PHF20L1: variants seen among roughly 807,000 people sequenced by gnomAD.
The protein encoded by PHF20L1 is PHD finger protein 20 like 1, also known as PHD finger protein 20-like protein 1.
In PHF20L1, 44 loss-of-function variants were observed where a neutral mutation model predicts 125.5. The observed-to-expected ratio is 0.35, with a 90% CI of 0.28 to 0.45. PHF20L1 has a LOEUF of 0.45. PHF20L1 is among the 20% of genes least tolerant of loss of function. The pLI is 1.00. For synonymous variants in PHF20L1, 380 were observed against 403.1 expected (o/e 0.94, Z 0.69); for missense variants, 1,012 against 1,217.2 (o/e 0.83, Z 2.51).
chr8:132,842,573 G>T lies in PHF20L1; in HGVS notation c.2446G>T (p.Asp816Tyr). The part of the protein sequence containing the change: ...WACSGKRKDQ[D>Y]QIIAGVEKKI... ...TTGTTCCGGGAAGCGAAAAGACCAA[G>T]ATCAAATAATAGCTGGGGTGGAGAA... is the stretch of plus-strand genomic sequence containing the variant. The change falls in exon 19 of 21, where the codon GAT (aspartate) becomes TAT (tyrosine). Residue 816 changes from aspartate to tyrosine, a missense_variant. Transcript: ENST00000395386. The T allele has an allele frequency of 6.2e-7, 1 of 1,612,326 alleles. No homozygotes were observed. Among genetic ancestry groups the T allele is most frequent in the Non-Finnish European group, 8.5e-7 (1 of 1,179,354 alleles).
Position 132,842,871 on chromosome 8 carries a change from A to C in PHF20L1, c.2744A>C (p.Glu915Ala), listed in dbSNP as rs762715279. 1 of 1,602,206 alleles carries C rather than the reference A, an allele frequency of 6.2e-7. No individual in the cohort carries two copies. Among genetic ancestry groups the C allele is most frequent in the Non-Finnish European group, 8.5e-7 (1 of 1,174,462 alleles). The change falls in exon 19 of 21, where the codon GAA (glutamate) becomes GCA (alanine). Residue 915 changes from glutamate (E) to alanine (A), a missense_variant. Glu to Ala is a moderately radical substitution (Grantham distance 107, BLOSUM62 -1). This residue lies in a region of PHF20L1 where 277 missense variants were observed against 283.6 expected (regional missense o/e 0.98). Coordinates refer to ENST00000395386, the MANE Select transcript of PHF20L1 (RefSeq NM_016018.5). ...TCAGCAAAAGAACATGGAATGCCTGAAAAGGTAAAACTAGTTCATTTTTCT... is the reference window on the plus strand; with the variant it reads ...TCAGCAAAAGAACATGGAATGCCTGCAAAGGTAAAACTAGTTCATTTTTCT... ...QYSAKEHGMP[E>A]KNPAEGNTVF...
rs757158099 is a variant in PHF20L1, at chr8:132,842,667, G to A, written c.2540G>A (p.Arg847His). 27 of 1,612,982 alleles carry A rather than the reference G, an allele frequency of 1.7e-5. No homozygotes were observed. The highest frequency in any genetic ancestry group is 4.0e-5 in the African/African-American group (3 of 74,798). The change falls in exon 19 of 21, where the codon CGT becomes CAT. Residue 847 changes from arginine (R) to histidine (H), a missense_variant. Physicochemically the swap from Arg to His is conservative, Grantham distance 29. Transcript: ENST00000395386. ...GTACAGAACCATAAAGAACCACCTCGTTTGCCCCTAAAAATGGAAGGAACT... is the reference window on the plus strand; with the variant it reads ...GTACAGAACCATAAAGAACCACCTCATTTGCCCCTAAAAATGGAAGGAACT... ...KYVQNHKEPP[R>H]LPLKMEGTYI...
intron 6 of PHF20L1, among the ~76,000 whole-genome samples, chr8:132,800,856 C>T (rs1304775258): frequency 6.6e-6 from 1 of 151,428 alleles, no homozygotes; most frequent in Non-Finnish European, 1.5e-5. Context: ...GTCCTTCTAA[C>T]ACTGTATTTG....
intron 2 of PHF20L1, among the ~76,000 whole-genome samples, chr8:132,780,138 TAA>T (rs1333714244): frequency 1.3e-5 from 2 of 152,154 alleles, no homozygotes; most frequent in Non-Finnish European, 2.9e-5. Context: ...TTTACAAAAA[TAA>T]TTTTCTTATG....
chr8:132,817,716 G>C (rs190357397), intron 12 of PHF20L1, 171 bp downstream of exon 12: 1 of 578,760 alleles, frequency 1.7e-6, no homozygotes, highest in Non-Finnish European at 3.0e-6. Flanking sequence ...AAGGTCTTTT[G>C]TGTGATCATT....
intron 9 of PHF20L1, among the ~76,000 whole-genome samples, chr8:132,813,802 A>C (rs1298048565): frequency 6.6e-6 from 1 of 152,030 alleles, no homozygotes; most frequent in Non-Finnish European, 1.5e-5. Context: ...ATATTTTAAC[A>C]TATGTAGGAA....
At chr8:132,805,228 AG>A (rs1389506642) in intron 8 of PHF20L1, among the ~76,000 whole-genome samples, 6 of 151,830 alleles carry the variant, frequency 4.0e-5, no homozygotes, top group African/African-American at 1.5e-4. Context: ...TATTTCTATA[AG>A]TTTTTTTTGT....
rs754319142 is a variant in PHF20L1, at chr8:132,845,935, A to G, written c.*12A>G. The stretch of plus-strand genomic sequence containing the variant: ...TTTGCTCTGTATGACAACAGTGAAC[A>G]CTTAATGAAAGAATGTGGCTTTCTT... On this transcript the variant is annotated 3_prime_UTR_variant, in exon 21 of 21. Coordinates refer to ENST00000395386, the MANE Select transcript of PHF20L1 (RefSeq NM_016018.5). The G allele has an allele frequency of 9.4e-6, 15 of 1,601,094 alleles. No homozygotes were observed. In the Admixed American group the frequency reaches 2.5e-4, roughly 27 times the overall value.
Position 132,814,514 on chromosome 8 carries a change from G to C in PHF20L1, c.931-123G>C. Reference sequence around the variant, plus strand: ...TCTTTTTGGTTTTTCATTTGTAATAGAAATGTTATATGTTGCTTAACAATG... The same window carrying C: ...TCTTTTTGGTTTTTCATTTGTAATACAAATGTTATATGTTGCTTAACAATG... On this transcript the variant is annotated intron_variant, in intron 9 of 20. Transcript: ENST00000395386. 6 of 577,988 alleles carry C rather than the reference G, an allele frequency of 1.0e-5. No individual in the cohort carries two copies. The Middle Eastern group carries it at 1.5e-3, about 141-fold the overall frequency. 35.8% of individuals were successfully genotyped at this position (577,988 alleles called of 1,614,324 possible).
At chr8:132,812,974 T>C in intron 9 of PHF20L1, 1 of 940,692 alleles carries the variant, frequency 1.1e-6, no homozygotes, top group Non-Finnish European at 1.3e-6. Context: ...GGATATGTCA[T>C]GTTATATTTA....
chr8:132,803,468 A>G, intron 6 of PHF20L1: 1 of 192,036 alleles, frequency 5.2e-6, no homozygotes. Flanking sequence ...AAGAGATGGA[A>G]TGCAACATTT....
At chr8:132,802,115 C>G (rs1253805487) in intron 6 of PHF20L1, among the ~76,000 whole-genome samples, 3 of 150,282 alleles carry the variant, frequency 2.0e-5, no homozygotes, top group Non-Finnish European at 4.4e-5. Flanking sequence ...TGTTTCTCTT[C>G]CCACTTTGTT....
At chr8:132,800,357 A>G (rs1048562031) in intron 6 of PHF20L1, among the ~76,000 whole-genome samples, 9 of 151,540 alleles carry the variant, frequency 5.9e-5, no homozygotes, top group African/African-American at 9.7e-5. Flanking sequence ...TTTTTTCTTT[A>G]TAATTCTTAA....
Position 132,844,226 on chromosome 8 carries a change from A to G in PHF20L1, c.2819A>G (p.His940Arg), listed in dbSNP as rs746388925. The G allele has an allele frequency of 3.7e-6, 6 of 1,612,806 alleles. No homozygotes were observed. Among genetic ancestry groups the G allele is most frequent in the African/African-American group, 1.3e-5 (1 of 74,862 alleles). Reference protein sequence around the residue: ...KKGTEDPGDSHLQWQLNLLTH... With the variant: ...KKGTEDPGDSRLQWQLNLLTH... ...GGCACCGAAGACCCAGGAGACTCAC[A>G]TCTTCAGTGGCAGCTCAATCTCCTT... Residue 940 changes from histidine (H) to arginine (R), a missense_variant, in exon 20 of 21, where the codon CAT (histidine) becomes CGT (arginine). Coordinates refer to ENST00000395386, the MANE Select transcript of PHF20L1 (RefSeq NM_016018.5).
In PHF20L1 at chr8:132,848,713, A is replaced by G. The variant is rs906663248; in HGVS notation, c.*2790A>G. Reference sequence around the variant, plus strand: ...AACCCCTTTTCCTAACACTCATCTTATTTCCACTGTCTTATTTCCTCTCAG... The same window carrying G: ...AACCCCTTTTCCTAACACTCATCTTGTTTCCACTGTCTTATTTCCTCTCAG... On this transcript the variant is annotated 3_prime_UTR_variant, in exon 21 of 21. Transcript: ENST00000395386. 9.9e-5 allele frequency: 15 copies of G among 150,972 alleles called. No homozygotes were observed. Among genetic ancestry groups the G allele is most frequent in the African/African-American group, 3.6e-4 (15 of 41,306 alleles). 9.4% of individuals were successfully genotyped at this position (150,972 alleles called of 1,614,324 possible).
intron 8 of PHF20L1, chr8:132,806,933 A>G (rs1833780538): frequency 6.6e-6 from 1 of 151,974 alleles, no homozygotes; most frequent in Non-Finnish European, 1.5e-5. Flanking sequence ...TTTAATTCAT[A>G]TATTTATCAT....
intron 14 of PHF20L1, chr8:132,826,456 G>T (rs925116863): frequency 2.6e-5 from 4 of 152,068 alleles, no homozygotes; most frequent in African/African-American, 9.7e-5. Context: ...GCAGCACTGG[G>T]AGCAGCCCAG....
At chr8:132,812,543 A>T (rs1738742167) in intron 9 of PHF20L1, 1 of 984,754 alleles carries the variant, frequency 1.0e-6, no homozygotes, top group Admixed American at 6.2e-5. Context: ...GTTTTGTAAC[A>T]AAGAGACCAA....
rs3832582 is a variant in PHF20L1, at chr8:132,846,830, GAAAAA to G, written c.*914_*918del. 6.7e-6 allele frequency: 1 copy of G among 148,510 alleles called. No individual in the cohort carries two copies. The highest frequency in any genetic ancestry group is 6.7e-5 in the Admixed American group (1 of 14,848). The allele number at this position is 148,510 out of a possible 1,614,324, so 9.2% of individuals were successfully genotyped here. On this transcript the variant is annotated 3_prime_UTR_variant, in exon 21 of 21. Coordinates refer to ENST00000395386, the MANE Select transcript of PHF20L1 (RefSeq NM_016018.5). ...TGAGTATGCTTGGTGTTTGCCTTCA[GAAAAA>G]AAAAAATACATTGTAAATAACCTCA...
Sources: allele counts gnomAD v4.1 joint callset (sites outside exome capture counted in the v4.1 genomes callset), GRCh38; gene constraint gnomAD v4.1.1; regional missense constraint gnomAD v4.1.1; transcripts MANE v1.5; gene names NCBI Gene and HGNC (gene_info 2026-07-23, HGNC 2026-07-21).